Variants in BRCA2 observed in about 807,000 individuals in gnomAD.
BRCA2 encodes the protein BRCA2 DNA repair associated.
In BRCA2, 203 loss-of-function variants were observed where a neutral mutation model predicts 276.7. That is an observed-to-expected ratio of 0.73 (90% CI 0.65 to 0.82). The LOEUF is 0.82. Among genes scored for constraint, BRCA2 ranks in the 40% least tolerant of loss-of-function variants. The pLI is 0.00. For synonymous variants in BRCA2, 1,289 were observed against 1,338.4 expected, an observed-to-expected ratio of 0.96 and a Z score of 0.81; for missense variants, 3,920 against 3,915.0, an observed-to-expected ratio of 1.00 and a Z score of -0.03.
intron 20 of BRCA2, among the ~76,000 whole-genome samples, chr13:32,374,583 C>T (rs1333528380): frequency 6.6e-6 from 1 of 152,196 alleles, no homozygotes; most frequent in Non-Finnish European, 1.5e-5. Context: ...GGGCAAAATG[C>T]CACTAGTCTC....
intron 1 of BRCA2, among the ~76,000 whole-genome samples, chr13:32,315,894 C>G (rs1267739104): frequency 6.6e-6 from 1 of 152,228 alleles, no homozygotes; most frequent in Non-Finnish European, 1.5e-5. Flanking sequence ...GCCTCCGGCC[C>G]GGCCTTTGGG....
At chr13:32,374,256 G>T (rs532928116) in intron 20 of BRCA2, among the ~76,000 whole-genome samples, 1 of 151,030 alleles carries the variant, frequency 6.6e-6, no homozygotes. Context: ...TGGAGACACT[G>T]TCTCCATTGC....
chr13:32,350,648 G>C (rs2072642404), intron 13 of BRCA2, among the ~76,000 whole-genome samples: 1 of 152,078 alleles, frequency 6.6e-6, no homozygotes, highest in African/African-American at 2.4e-5. Context: ...AGCTACTTGG[G>C]AGGCTGAGGC....
rs755049218 is a variant in BRCA2, at chr13:32,336,359, G to A, written c.2004G>A (p.Arg668=). Residue 668 remains arginine, a synonymous_variant, in exon 11 of 27, where the codon AGG becomes AGA. Coordinates refer to ENST00000380152, the MANE Select transcript of BRCA2 (RefSeq NM_000059.4). ...CTAGCTCTTTTGGGACAATTCTGAG[G>A]AAATGTTCTAGAAATGAAACATGTT... is the stretch of plus-strand genomic sequence containing the variant. The part of the protein sequence containing the change: ...SLTSSFGTIL[R]KCSRNETCSN... 1.8e-5 allele frequency: 29 copies of A among 1,609,504 alleles called. No homozygotes were observed. The highest frequency in any genetic ancestry group is 2.5e-5 in the Non-Finnish European group (29 of 1,178,096).
rs761996223 is a variant in BRCA2, at chr13:32,340,608, T to C, written c.6253T>C (p.Leu2085=). The change falls in exon 11 of 27, where the codon TTA becomes CTA. Residue 2085 remains leucine (L), a synonymous_variant. Coordinates refer to ENST00000380152, the MANE Select transcript of BRCA2 (RefSeq NM_000059.4). ...KVKGVLEEFD[L]IRTEHSLHYS... ...TAAGGGAGTGTTAGAGGAATTTGAT[T>C]TAATCAGAACTGAGCATAGTCTTCA... 6.2e-7 allele frequency: 1 copy of C among 1,607,602 alleles called. No individual in the cohort carries two copies. Among genetic ancestry groups the C allele is most frequent in the African/African-American group, 1.3e-5 (1 of 74,516 alleles).
chr13:32,347,862 G>A (rs902285933), intron 13 of BRCA2, among the ~76,000 whole-genome samples: 16 of 152,294 alleles, frequency 1.1e-4, no homozygotes, highest in Admixed American at 8.5e-4. Context: ...CATGCACAGA[G>A]CTTCCAGGAA....
rs1353212103 is a variant in BRCA2 at position 32,371,120 on chromosome 13, A to G, written c.8632+20A>G. On this transcript the variant is annotated intron_variant, in intron 20 of 26. Transcript: ENST00000380152. ...ATGAAGGTAAAATTAGTTATATGGT[A>G]CACATTGTTATTTCTAATATGAGAA... 1 of 1,609,594 alleles carries G rather than the reference A, an allele frequency of 6.2e-7. No homozygotes were observed. The highest frequency in any genetic ancestry group is 8.5e-7 in the Non-Finnish European group (1 of 1,176,282).
chr13:32,353,697 T>G (rs1056341714), intron 13 of BRCA2, among the ~76,000 whole-genome samples: 1 of 152,234 alleles, frequency 6.6e-6, no homozygotes, highest in African/African-American at 2.4e-5. Flanking sequence ...TAGGAATTCA[T>G]TAAATAGTTG....
At chr13:32,358,185 GTT>G (rs1365651647) in intron 16 of BRCA2, among the ~76,000 whole-genome samples, 4 of 152,222 alleles carry the variant, frequency 2.6e-5, no homozygotes, top group African/African-American at 7.2e-5. Context: ...AATTTATAAA[GTT>G]AAATTTGGCC....
At chr13:32,315,954 C>T (rs906812666) in intron 1 of BRCA2, among the ~76,000 whole-genome samples, 2 of 152,198 alleles carry the variant, frequency 1.3e-5, no homozygotes, top group African/African-American at 2.4e-5. Context: ...TCCCAGATGA[C>T]GCCATCTGAA....
At chr13:32,322,565 C>T (rs1199384014) in intron 3 of BRCA2, among the ~76,000 whole-genome samples, 4 of 152,196 alleles carry the variant, frequency 2.6e-5, no homozygotes, top group African/African-American at 4.8e-5. Context: ...GGTTTAAGAA[C>T]GCCTTTAAGC....
At chr13:32,364,713 G>A (rs957663397) in intron 18 of BRCA2, among the ~76,000 whole-genome samples, 3 of 152,048 alleles carry the variant, frequency 2.0e-5, no homozygotes, top group African/African-American at 4.8e-5. Context: ...CCTTACACAG[G>A]AGCTATAAAA....
chr13:32,368,059 G>A (rs1473420965), intron 18 of BRCA2, among the ~76,000 whole-genome samples: 7 of 117,408 alleles, frequency 6.0e-5, no homozygotes, highest in Admixed American at 2.3e-4. Context: ...TCGCACTGTC[G>A]CCCAGGCTGG....
chr13:32,339,053 C>T lies in BRCA2; in HGVS notation c.4698C>T (p.Thr1566=), dbSNP rs750813972. Residue 1566 remains threonine, a synonymous_variant, in exon 11 of 27, where the codon ACC becomes ACT. Transcript: ENST00000380152. ...GTTTTAGCCATCAATGGGCAAAGAC[C>T]CTAAAGTACAGAGAGGCCTGTAAAG... ...ITSFSHQWAK[T]LKYREACKDL... The T allele has an allele frequency of 6.2e-6, 10 of 1,613,576 alleles. No individual in the cohort carries two copies. The highest frequency in any genetic ancestry group is 5.0e-5 in the Admixed American group (3 of 59,964).
intron 16 of BRCA2, among the ~76,000 whole-genome samples, chr13:32,358,907 C>T (rs1041388203): frequency 2.6e-5 from 4 of 151,986 alleles, no homozygotes; most frequent in Admixed American, 2.0e-4. Context: ...GCACTCCAGC[C>T]TGGGCAACAG....
At position 32,395,960 on chromosome 13, in the gene BRCA2, C is replaced by CTTTTTTTTTTTTTTTTTTTTTTTT. The variant is rs397838402; in HGVS notation, c.9502-933_9502-910dup. On this transcript the variant is annotated intron_variant, in intron 25 of 26. Coordinates refer to ENST00000380152, the MANE Select transcript of BRCA2 (RefSeq NM_000059.4). ...CCACATTTTCTTTTTTTCTTTCTTTCTTTTTTTTTTTTTTTTTTTTTTTTT... is the reference window on the plus strand; with the variant it reads ...CCACATTTTCTTTTTTTCTTTCTTTCTTTTTTTTTTTTTTTTTTTTTTTTTTTTTTTTTTTTTTTTTTTTTTTTT... The CTTTTTTTTTTTTTTTTTTTTTTTT allele has an allele frequency of 2.1e-4, 17 of 79,202 alleles. 1 individual carries two copies. Among genetic ancestry groups the CTTTTTTTTTTTTTTTTTTTTTTTT allele is most frequent in the Admixed American group, 4.2e-4 (2 of 4,712 alleles). The allele number at this position is 79,202 out of a possible 1,614,324, so 4.9% of individuals were successfully genotyped here. A position where few individuals can be genotyped will look rare whatever the true frequency, so the allele number is the denominator to read the frequency against.
rs41293507 is a variant in BRCA2 at position 32,357,772 on chromosome 13, A to G, written c.7648A>G (p.Ile2550Val). 5 of 1,613,718 alleles carry G rather than the reference A, an allele frequency of 3.1e-6. No individual in the cohort carries two copies. The highest frequency in any genetic ancestry group is 4.2e-6 in the Non-Finnish European group (5 of 1,179,736). ...LYTYGVSKHCIKINSKNAESF... is the reference protein window; with the variant it reads ...LYTYGVSKHCVKINSKNAESF... Reference sequence around the variant, plus strand: ...TACGTATGGCGTTTCTAAACATTGCATAAAAATTAACAGCAAAAATGCAGA... The same window carrying G: ...TACGTATGGCGTTTCTAAACATTGCGTAAAAATTAACAGCAAAAATGCAGA... Residue 2550 changes from isoleucine to valine, a missense_variant, in exon 16 of 27, where the codon ATA becomes GTA. Ile to Val is a conservative substitution (Grantham distance 29). Around this residue, in one of 2 missense-constraint regions of BRCA2, gnomAD observed 3,263 missense variants for 3,156.9 expected, o/e 1.03. Transcript: ENST00000380152.
intron 20 of BRCA2, among the ~76,000 whole-genome samples, chr13:32,376,274 A>G (rs2072870969): frequency 6.6e-6 from 1 of 152,010 alleles, no homozygotes; most frequent in South Asian, 2.1e-4. Context: ...TGTAATCCCA[A>G]CAGTTTGGGA....
intron 10 of BRCA2, among the ~76,000 whole-genome samples, chr13:32,335,049 A>G (rs1021894610): frequency 1.3e-5 from 2 of 152,160 alleles, no homozygotes; most frequent in African/African-American, 4.8e-5. Context: ...AAGCCAATGA[A>G]AAAGCTAATA....
Sources: gnomAD v4.1 joint callset for allele counts (sites outside exome capture counted in the v4.1 genomes callset) on GRCh38, gnomAD v4.1.1 for gene constraint, gnomAD v4.1.1 regional missense constraint, MANE v1.5 for transcripts, NCBI Gene and HGNC (gene_info 2026-07-23, HGNC 2026-07-21) for gene names.